The following MAP3K6 variants were observed in gnomAD, a reference collection of about 807,000 sequenced individuals.
The protein encoded by MAP3K6 is mitogen-activated protein kinase kinase kinase 6.
MAP3K6 carries 105 observed loss-of-function variants against 147.1 expected under a neutral mutation model. The ratio of observed to expected loss-of-function variants is 0.71; its 90% confidence interval spans 0.61 to 0.84. The LOEUF (loss-of-function observed/expected upper bound fraction) is 0.84. Ranked by LOEUF, MAP3K6 falls within the 40% of genes least tolerant of loss-of-function variation. The pLI, the probability that MAP3K6 is intolerant of heterozygous loss-of-function variation, is 0.00. For missense variants in MAP3K6, 1,569 were observed against 1,715.0 expected (o/e 0.91, Z 1.50); for synonymous variants, 695 against 732.4 (o/e 0.95, Z 0.82).
Position 27,364,491 on chromosome 1 carries a change from G to C in MAP3K6, c.505-97C>G. 6.5e-7 allele frequency: 1 copy of C among 1,550,072 alleles called. No homozygotes were observed. Among genetic ancestry groups the C allele is most frequent in the Non-Finnish European group, 8.9e-7 (1 of 1,124,794 alleles). On this transcript the variant is annotated intron_variant, in intron 3 of 28. Transcript: ENST00000357582. This position sits in a 1 kb window ranked among gnomAD's most constrained non-coding sequence, Gnocchi z 4.4. ...CAAAGGTCAGCATCAGTGGGAATTGGAATCGCAGGAAAGGGGCACCCGTCA... is the reference window on the plus strand; with the variant it reads ...CAAAGGTCAGCATCAGTGGGAATTGCAATCGCAGGAAAGGGGCACCCGTCA...
In MAP3K6 at chr1:27,359,948, G is replaced by C. The variant is rs1451400792; in HGVS notation, c.2229C>G (p.Asp743Glu). ...LLRSVWGPLK[D>E]NESTISFYTR... ...TGTAGAAACTGATGGTGCTCTCGTT[G>C]TCCTTCAGGGGTCCCCACACCGACC... Residue 743 changes from aspartate (D) to glutamate (E), a missense_variant, in exon 17 of 29, where the codon GAC becomes GAG. Transcript: ENST00000357582. This position sits in a 1 kb window ranked among gnomAD's most constrained non-coding sequence, Gnocchi z 4.4. 12 of 1,613,880 alleles carry C rather than the reference G, an allele frequency of 7.4e-6. No individual in the cohort carries two copies. Among genetic ancestry groups the C allele is most frequent in the African/African-American group, 2.7e-5 (2 of 74,846 alleles).
chr1:27,362,843 C>T lies in MAP3K6; in HGVS notation c.1142+8G>A, dbSNP rs765438209. On this transcript the variant is annotated splice_region_variant and intron_variant, in intron 7 of 28. Transcript: ENST00000357582. ...CTTAGCCCACCGGCCACTCACTGTG[C>T]TCTTTACCAGTGATAGGCCTGCTCC... 6.2e-7 allele frequency: 1 copy of T among 1,613,558 alleles called. No individual in the cohort carries two copies. Among genetic ancestry groups the T allele is most frequent in the South Asian group, 1.1e-5 (1 of 90,990 alleles).
At position 27,358,758 on chromosome 1, in the gene MAP3K6, C is replaced by A; in HGVS notation, c.2534G>T (p.Gly845Val). 1.2e-6 allele frequency: 2 copies of A among 1,614,008 alleles called. No individual in the cohort carries two copies. The highest frequency in any genetic ancestry group is 1.7e-6 in the Non-Finnish European group (2 of 1,179,980). ...CCCGAGCTCGTGGAAGGGGGGGCGA[C>A]CTGTGGCCATCTCAATGACAGTGCA... ...LGCTVIEMATGRPPFHELGSP... is the reference protein window; with the variant it reads ...LGCTVIEMATVRPPFHELGSP... Residue 845 changes from glycine to valine, a missense_variant, in exon 19 of 29, where the codon GGT becomes GTT. Coordinates refer to ENST00000357582, the MANE Select transcript of MAP3K6 (RefSeq NM_004672.5). The surrounding 1 kb of genome is among the most constrained non-coding windows in gnomAD (Gnocchi z 6.2).
Position 27,357,704 on chromosome 1 carries a change from C to T in MAP3K6, c.3081+7G>A. On this transcript the variant is annotated splice_region_variant and intron_variant, in intron 22 of 28. Transcript: ENST00000357582. ...ACCACCAGGGGGCGCTAGAGTGGGC[C>T]GCCCACCTGCTCTTGCTTCTGCTCC... 1 of 1,609,440 alleles carries T rather than the reference C, an allele frequency of 6.2e-7. No individual in the cohort carries two copies. Among genetic ancestry groups the T allele is most frequent in the Non-Finnish European group, 8.5e-7 (1 of 1,179,400 alleles).
chr1:27,365,836 C>A (rs1035762692), intron 1 of MAP3K6, among the ~76,000 whole-genome samples: 3 of 152,074 alleles, frequency 2.0e-5, no homozygotes, highest in Non-Finnish European at 4.4e-5. Context: ...GCTCCTCTCC[C>A]AGTAATTGTC....
At position 27,360,337 on chromosome 1, in the gene MAP3K6, G is replaced by A; in HGVS notation, c.2086C>T (p.Leu696Phe). 3 of 1,614,034 alleles carry A rather than the reference G, an allele frequency of 1.9e-6. No individual in the cohort carries two copies. Among genetic ancestry groups the A allele is most frequent in the Non-Finnish European group, 2.5e-6 (3 of 1,179,972 alleles). ...FSQPLHEEIA[L>F]HRRLRHKNIV... is the part of the protein sequence containing the mutation. ...TTCTTGTGGCGCAGGCGTCTGTGAA[G>A]AGCGATCTCTTCATGCAGGGGCTGA... The change falls in exon 16 of 29, where the codon CTT (leucine) becomes TTT (phenylalanine). Residue 696 changes from leucine (L) to phenylalanine (F), a missense_variant. By Grantham distance (22) the Leu-to-Phe change is conservative. Coordinates refer to ENST00000357582, the MANE Select transcript of MAP3K6 (RefSeq NM_004672.5). The surrounding 1 kb of genome is among the most constrained non-coding windows in gnomAD (Gnocchi z 4.5).
intron 1 of MAP3K6, among the ~76,000 whole-genome samples, chr1:27,365,809 C>T (rs1255822135): frequency 6.6e-6 from 1 of 152,132 alleles, no homozygotes; most frequent in African/African-American, 2.4e-5. Context: ...CCTCCCGGCC[C>T]CTTTCCCTAA....
chr1:27,364,448 C>G lies in MAP3K6; in HGVS notation c.505-54G>C. On this transcript the variant is annotated intron_variant, in intron 3 of 28. Transcript: ENST00000357582. The surrounding 1 kb of genome is among the most constrained non-coding windows in gnomAD (Gnocchi z 4.4). ...GGTCAGAGGTCAGCACAGGGCTAGA[C>G]AAGGGGAGTGAGAGCATCAAAGGTC... 6.3e-7 allele frequency: 1 copy of G among 1,598,146 alleles called. No homozygotes were observed. The highest frequency in any genetic ancestry group is 8.6e-7 in the Non-Finnish European group (1 of 1,167,428).
chr1:27,366,533 G>C lies in MAP3K6; in HGVS notation c.65C>G (p.Ala22Gly). Residue 22 changes from alanine to glycine, a missense_variant, in exon 1 of 29, where the codon GCC (alanine) becomes GGC (glycine). Transcript: ENST00000357582. The surrounding 1 kb of genome is among the most constrained non-coding windows in gnomAD (Gnocchi z 5.5). ...RAGSCWQDPLAVALSRGRQLA... is the reference protein window; with the variant it reads ...RAGSCWQDPLGVALSRGRQLA... The stretch of plus-strand genomic sequence containing the variant: ...CTGCCGGCCCCGGCTCAGCGCCACG[G>C]CCAGCGGGTCCTGCCAGCAGCTGCC... 9.1e-7 allele frequency: 1 copy of C among 1,102,382 alleles called. No individual in the cohort carries two copies. 68.3% of individuals were successfully genotyped at this position (1,102,382 alleles called of 1,614,324 possible).
Position 27,360,500 on chromosome 1 carries a change from TACCCTGCCCACAGG to T in MAP3K6, c.2055-146_2055-133del. 3.4e-6 allele frequency: 3 copies of T among 875,382 alleles called. No homozygotes were observed. The highest frequency in any genetic ancestry group is 4.5e-6 in the Non-Finnish European group (3 of 664,776). 54.2% of individuals were successfully genotyped at this position (875,382 alleles called of 1,614,324 possible). A position where few individuals can be genotyped will look rare whatever the true frequency, so the allele number is the denominator to read the frequency against. On this transcript the variant is annotated intron_variant, in intron 15 of 28. Transcript: ENST00000357582. The surrounding 1 kb of genome is among the most constrained non-coding windows in gnomAD (Gnocchi z 4.5). The stretch of plus-strand genomic sequence containing the variant: ...CCTCTCCGACCTTCCCCACCCTTAC[TACCCTGCCCACAGG>T]ACCCTCCAGACCTCAATCCCGCCCG...
chr1:27,361,339 C>T lies in MAP3K6; in HGVS notation c.1736+7G>A. 1 of 1,614,016 alleles carries T rather than the reference C, an allele frequency of 6.2e-7. No individual in the cohort carries two copies. Among genetic ancestry groups the T allele is most frequent in the Middle Eastern group, 1.6e-4 (1 of 6,062 alleles). ...TCTTTCCAGTCACCCCAGGTCCCGCCTATCACCTGACTCCGCATATGGAGG... is the reference window on the plus strand; with the variant it reads ...TCTTTCCAGTCACCCCAGGTCCCGCTTATCACCTGACTCCGCATATGGAGG... On this transcript the variant is annotated splice_region_variant and intron_variant, in intron 12 of 28. Transcript: ENST00000357582.
Position 27,358,989 on chromosome 1 carries a change from C to T in MAP3K6, c.2426-123G>A. The T allele has an allele frequency of 1.0e-6, 1 of 956,744 alleles. No homozygotes were observed. The highest frequency in any genetic ancestry group is 1.5e-6 in the Non-Finnish European group (1 of 646,214). 59.3% of individuals were successfully genotyped at this position (956,744 alleles called of 1,614,324 possible). On this transcript the variant is annotated intron_variant, in intron 18 of 28. Transcript: ENST00000357582. This position sits in a 1 kb window ranked among gnomAD's most constrained non-coding sequence, Gnocchi z 6.2. Reference sequence around the variant, plus strand: ...ACTGAACCTATCATCCAAAATATACCTCAACACCTATCCTGGTCATCAAAC... The same window carrying T: ...ACTGAACCTATCATCCAAAATATACTTCAACACCTATCCTGGTCATCAAAC...
rs2016006746 is a variant in MAP3K6 at position 27,366,853 on chromosome 1, T to C, written c.-256A>G. On this transcript the variant is annotated 5_prime_UTR_variant, in exon 1 of 29. Transcript: ENST00000357582. This position sits in a 1 kb window ranked among gnomAD's most constrained non-coding sequence, Gnocchi z 5.5. ...GGTCCCAGGAATCTGGGGCATCCGG[T>C]GATCGGCAGCTCAGAGCCACTTGGG... 1 of 162,698 alleles carries C rather than the reference T, an allele frequency of 6.1e-6. No homozygotes were observed. Among genetic ancestry groups the C allele is most frequent in the Non-Finnish European group, 1.3e-5 (1 of 76,858 alleles). 10.1% of individuals were successfully genotyped at this position (162,698 alleles called of 1,614,324 possible). A position where few individuals can be genotyped will look rare whatever the true frequency, so the allele number is the denominator to read the frequency against.
In MAP3K6 at chr1:27,361,521, T is replaced by C; in HGVS notation, c.1685A>G (p.Gln562Arg). Residue 562 changes from glutamine (Q) to arginine (R), a missense_variant and splice_region_variant, in exon 11 of 29, where the codon CAG (glutamine) becomes CGG (arginine). Physicochemically the swap from Gln to Arg is conservative, Grantham distance 43 (BLOSUM62 1). Transcript: ENST00000357582. ...GAGGGGCCTCAGCAGCGACTTCACC[T>C]GGGTCTCAGGCTCCAGCAGGCTCAG... ...VTLSLLEPET[Q>R]DIPSSWTFPV... is the part of the protein sequence containing the mutation. 1 of 1,614,130 alleles carries C rather than the reference T, an allele frequency of 6.2e-7. No individual in the cohort carries two copies. The highest frequency in any genetic ancestry group is 2.2e-5 in the East Asian group (1 of 44,884).
In MAP3K6 at chr1:27,360,348, T is replaced by A. The variant is rs199900055; in HGVS notation, c.2075A>T (p.Glu692Val). 4.3e-6 allele frequency: 7 copies of A among 1,613,886 alleles called. No individual in the cohort carries two copies. Among genetic ancestry groups the A allele is most frequent in the Admixed American group, 3.3e-5 (2 of 60,010 alleles). ...RDSRFSQPLHEEIALHRRLRH... is the reference protein window; with the variant it reads ...RDSRFSQPLHVEIALHRRLRH... ...CAGGCGTCTGTGAAGAGCGATCTCT[T>A]CATGCAGGGGCTGAGAGAACCTGAG... Residue 692 changes from glutamate to valine, a missense_variant, in exon 16 of 29, where the codon GAA becomes GTA. Coordinates refer to ENST00000357582, the MANE Select transcript of MAP3K6 (RefSeq NM_004672.5). The surrounding 1 kb of genome is among the most constrained non-coding windows in gnomAD (Gnocchi z 4.5).
Position 27,366,162 on chromosome 1 carries a change from C to T in MAP3K6, c.340+96G>A. 8.5e-7 allele frequency: 1 copy of T among 1,183,422 alleles called. No individual in the cohort carries two copies. Among genetic ancestry groups the T allele is most frequent in the South Asian group, 3.4e-5 (1 of 29,320 alleles). 73.3% of individuals were successfully genotyped at this position (1,183,422 alleles called of 1,614,324 possible). ...CTTTAAGTCCCCTAGACCCGGTACC[C>T]CTCTCGGCCCCTCCCTTGAGCCTTC... On this transcript the variant is annotated intron_variant, in intron 1 of 28. Transcript: ENST00000357582. This position sits in a 1 kb window ranked among gnomAD's most constrained non-coding sequence, Gnocchi z 5.5.
intron 1 of MAP3K6, among the ~76,000 whole-genome samples, chr1:27,365,930 TC>T (rs1184123878): frequency 7.1e-6 from 1 of 141,296 alleles, no homozygotes; most frequent in African/African-American, 2.7e-5. Flanking sequence ...CCCGCGCCGC[TC>T]CCCGCCCCGC....
chr1:27,360,130 C>T lies in MAP3K6; in HGVS notation c.2182+111G>A, dbSNP rs17162551. 0.015 allele frequency: 24,118 copies of T among 1,576,656 alleles called. 463 individuals are homozygous for T. The highest frequency in any genetic ancestry group is 0.09 in the African/African-American group (6,705 of 74,390). On this transcript the variant is annotated intron_variant, in intron 16 of 28. Coordinates refer to ENST00000357582, the MANE Select transcript of MAP3K6 (RefSeq NM_004672.5). The surrounding 1 kb of genome is among the most constrained non-coding windows in gnomAD (Gnocchi z 4.5). ...CCACTCCTCAGCTAATTCTAGGCTA[C>T]ACCACCCACACGCACTAGGGTGCAT...
In MAP3K6 at chr1:27,362,098, G is replaced by C; in HGVS notation, c.1408C>G (p.Pro470Ala). Reference protein sequence around the residue: ...AAEQLYKLNAPIWYLVSVMET... With the variant: ...AAEQLYKLNAAIWYLVSVMET... ...GCAGAGGGGGCCACCTACCATATGGGGGCATTGAGCTTATACAGCTGCTCT... is the reference window on the plus strand; with the variant it reads ...GCAGAGGGGGCCACCTACCATATGGCGGCATTGAGCTTATACAGCTGCTCT... The change falls in exon 9 of 29, where the codon CCC becomes GCC. Residue 470 changes from proline to alanine, a missense_variant. Transcript: ENST00000357582. The C allele has an allele frequency of 6.2e-7, 1 of 1,610,872 alleles. No individual in the cohort carries two copies. Among genetic ancestry groups the C allele is most frequent in the Non-Finnish European group, 8.5e-7 (1 of 1,178,412 alleles).
Sources: gnomAD v4.1 joint callset for allele counts (sites outside exome capture counted in the v4.1 genomes callset) on GRCh38, gnomAD v4.1.1 for gene constraint, Gnocchi (gnomAD v3.1) non-coding constraint, MANE v1.5 for transcripts, NCBI Gene and HGNC (gene_info 2026-07-23, HGNC 2026-07-21) for gene names.